HSPA4L: variants seen among roughly 807,000 people sequenced by gnomAD.
HSPA4L encodes heat shock 70 kDa protein 4L.
In HSPA4L, 48 loss-of-function variants were observed where a neutral mutation model predicts 100.3. That is an observed-to-expected ratio of 0.48 (90% CI 0.38 to 0.61). The LOEUF is 0.61. HSPA4L is among the 20% of genes least tolerant of loss of function. The pLI, the probability that HSPA4L is intolerant of heterozygous loss-of-function variation, is 0.00. For synonymous variants in HSPA4L, 319 were observed against 328.2 expected, an observed-to-expected ratio of 0.97 and a Z score of 0.30; for missense variants, 886 against 988.6, an observed-to-expected ratio of 0.90 and a Z score of 1.39.
chr4:127,817,514 G>C (rs1330853438), intron 12 of HSPA4L, among the ~76,000 whole-genome samples: 1 of 152,074 alleles, frequency 6.6e-6, no homozygotes, highest in Admixed American at 6.6e-5. Context: ...TTAAGAAGGT[G>C]ACCAAAAAAA....
chr4:127,821,165 A>G (rs1311072915), intron 14 of HSPA4L, among the ~76,000 whole-genome samples: 1 of 152,124 alleles, frequency 6.6e-6, no homozygotes, highest in Non-Finnish European at 1.5e-5. Flanking sequence ...TGACTTTACA[A>G]TGCTTGCTTT....
intron 6 of HSPA4L, among the ~76,000 whole-genome samples, chr4:127,803,358 T>TTCG (rs1206097804): frequency 3.1e-4 from 22 of 69,852 alleles, no homozygotes; most frequent in Admixed American, 2.7e-3. Context: ...TAATGAGGCT[T>TTCG]TAGTTGTAAT....
intron 17 of HSPA4L, among the ~76,000 whole-genome samples, chr4:127,829,970 C>T (rs1009904818): frequency 2.6e-5 from 4 of 151,396 alleles, no homozygotes; most frequent in African/African-American, 9.7e-5. Flanking sequence ...ATGGGTTTTC[C>T]ATTTGTTTGT....
At chr4:127,783,450 G>A in intron 1 of HSPA4L, 1 of 1,369,304 alleles carries the variant, frequency 7.3e-7, no homozygotes, top group South Asian at 1.6e-5. Context: ...CATGACTGTG[G>A]AGTGATTCTA....
At chr4:127,830,935 A>C in intron 18 of HSPA4L, 136 bp downstream of exon 18, 1 of 580,470 alleles carries the variant, frequency 1.7e-6, no homozygotes, top group Middle Eastern at 4.9e-4. Context: ...TTTAGTTAAA[A>C]AATTTTAAGA....
At chr4:127,827,992 A>T (rs1277246426) in intron 17 of HSPA4L, among the ~76,000 whole-genome samples, 1 of 152,120 alleles carries the variant, frequency 6.6e-6, no homozygotes, top group African/African-American at 2.4e-5. Flanking sequence ...AATTTGAGAA[A>T]ATTAAGCTTA....
chr4:127,829,325 A>G (rs1734023164), intron 17 of HSPA4L, among the ~76,000 whole-genome samples: 1 of 151,982 alleles, frequency 6.6e-6, no homozygotes, highest in Non-Finnish European at 1.5e-5. Context: ...CCCTTGTAAA[A>G]GTTTGGGTTT....
chr4:127,822,648 A>G, intron 14 of HSPA4L, 121 bp from the exon 15 acceptor site: 2 of 926,350 alleles, frequency 2.2e-6, no homozygotes, highest in Non-Finnish European at 3.2e-6. Flanking sequence ...CCACATCCTC[A>G]TGAATACTTA....
intron 8 of HSPA4L, among the ~76,000 whole-genome samples, chr4:127,804,716 T>G (rs1733302188): frequency 6.6e-6 from 1 of 151,864 alleles, no homozygotes; most frequent in African/African-American, 2.4e-5. Flanking sequence ...AATGTAGAAA[T>G]GGGGACATAA....
chr4:127,809,300 C>T lies in HSPA4L; in HGVS notation c.1378+1171C>T, dbSNP rs1383962843. 7.4e-6 allele frequency: 9 copies of T among 1,213,474 alleles called. No individual in the cohort carries two copies. The Admixed American group carries it at 1.5e-4, about 20-fold the overall frequency. The allele number at this position is 1,213,474 out of a possible 1,614,324, so 75.2% of individuals were successfully genotyped here. On this transcript the variant is annotated intron_variant, in intron 11 of 18. Coordinates refer to ENST00000296464, the MANE Select transcript of HSPA4L (RefSeq NM_014278.4). The stretch of plus-strand genomic sequence containing the variant: ...ATCATCCTGGAGCTAGCATTGCACT[C>T]TCGAGACCCTGTCTTAATAAGGACT...
chr4:127,836,579 T>C lies in HSPA4L; in HGVS notation c.*3705T>C, dbSNP rs990340070. On this transcript the variant is annotated 3_prime_UTR_variant, in exon 19 of 19. Transcript: ENST00000296464. Reference sequence around the variant, plus strand: ...GTGATTAATTCCATGATAGAAGTCTTTAAAGAGAATTTTGGGGCTCAATAA... The same window carrying C: ...GTGATTAATTCCATGATAGAAGTCTCTAAAGAGAATTTTGGGGCTCAATAA... The C allele has an allele frequency of 6.6e-6, 1 of 151,956 alleles. No homozygotes were observed. The highest frequency in any genetic ancestry group is 2.4e-5 in the African/African-American group (1 of 41,392). 9.4% of individuals were successfully genotyped at this position (151,956 alleles called of 1,614,324 possible).
At chr4:127,831,693 C>G (rs919201201) in intron 18 of HSPA4L, among the ~76,000 whole-genome samples, 1 of 151,824 alleles carries the variant, frequency 6.6e-6, no homozygotes, top group African/African-American at 2.4e-5. Flanking sequence ...TTCATTTGTA[C>G]AAATACGTGT....
At position 127,801,164 on chromosome 4, in the gene HSPA4L, GAGA is replaced by G; in HGVS notation, c.460_462del (p.Arg154del). ...TTCCTAGCTTTTTTACTGATGCCGA[GAGA>G]AGATCTGTGATGGCTGCAGCCCAGG... On this transcript the variant is annotated inframe_deletion, in exon 5 of 19. Coordinates refer to ENST00000296464, the MANE Select transcript of HSPA4L (RefSeq NM_014278.4). 1 of 1,612,848 alleles carries G rather than the reference GAGA, an allele frequency of 6.2e-7. No homozygotes were observed. Among genetic ancestry groups the G allele is most frequent in the Non-Finnish European group, 8.5e-7 (1 of 1,179,552 alleles).
intron 18 of HSPA4L, 23 bp from the exon 19 acceptor site, chr4:127,832,660 A>T (rs904123210): frequency 9.8e-6 from 15 of 1,536,922 alleles, no homozygotes; most frequent in Non-Finnish European, 1.3e-5. Flanking sequence ...GTTTTAATAT[A>T]ATCAATTTCT....
At chr4:127,787,271 A>AT (rs1456379765) in intron 1 of HSPA4L, among the ~76,000 whole-genome samples, 1 of 152,204 alleles carries the variant, frequency 6.6e-6, no homozygotes, top group African/African-American at 2.4e-5. Flanking sequence ...CTGTGGCTAT[A>AT]ATAGATGGGC....
chr4:127,832,354 G>GCAAAAA (rs1734104318), intron 18 of HSPA4L, among the ~76,000 whole-genome samples: 1 of 152,110 alleles, frequency 6.6e-6, no homozygotes, highest in African/African-American at 2.4e-5. Flanking sequence ...AATTCTCATA[G>GCAAAAA]CAAAGCATTA....
At chr4:127,824,462 A>G (rs1482682445) in intron 16 of HSPA4L, among the ~76,000 whole-genome samples, 1 of 152,256 alleles carries the variant, frequency 6.6e-6, no homozygotes, top group Middle Eastern at 3.2e-3. Flanking sequence ...CATTTTGAGA[A>G]GCCAGCAATG....
At position 127,805,793 on chromosome 4, in the gene HSPA4L, G is replaced by A. The variant is rs931852692; in HGVS notation, c.1244G>A (p.Gly415Glu). Residue 415 changes from glycine to glutamate, a missense_variant and splice_region_variant, in exon 10 of 19, where the codon GGG becomes GAG. Transcript: ENST00000296464. ...AAGACCTCTTTTGAAGATGGAAGTG[G>A]GTAAGTTATTTTTAAAACCTTGATT... Reference protein sequence around the residue: ...RWKTSFEDGSGECEVFCKNHP... With the variant: ...RWKTSFEDGSEECEVFCKNHP... 12 of 1,585,804 alleles carry A rather than the reference G, an allele frequency of 7.6e-6. No homozygotes were observed. Among genetic ancestry groups the A allele is most frequent in the Non-Finnish European group, 1.0e-5 (12 of 1,157,542 alleles).
chr4:127,798,832 T>C lies in HSPA4L; in HGVS notation c.429+123T>C, dbSNP rs1352063587. On this transcript the variant is annotated intron_variant, in intron 4 of 18. Transcript: ENST00000296464. ...ATCCAGTAAATAACCTAAATCCATC[T>C]GACTTTCTTTTTAAAAAAACTGCCT... 5.7e-6 allele frequency: 5 copies of C among 883,214 alleles called. No homozygotes were observed. The African/African-American group carries it at 8.5e-5, about 15-fold the overall frequency. 54.7% of individuals were successfully genotyped at this position (883,214 alleles called of 1,614,324 possible).
Sources: allele counts gnomAD v4.1 joint callset (sites outside exome capture counted in the v4.1 genomes callset), GRCh38; gene constraint gnomAD v4.1.1; transcripts MANE v1.5; gene names NCBI Gene and HGNC (gene_info 2026-07-23, HGNC 2026-07-21).